Variants in DNAI3 observed in about 807,000 individuals in gnomAD.
DNAI3 encodes dynein axonemal intermediate chain 3, also known as WD repeat domain 63.
A neutral mutation model predicts 115.5 loss-of-function variants in DNAI3; 83 were observed. That is an observed-to-expected ratio of 0.72 (90% CI 0.60 to 0.86). DNAI3 has a LOEUF of 0.86. Ranked by LOEUF, DNAI3 falls within the 40% of genes least tolerant of loss-of-function variation. The pLI, the probability that DNAI3 is intolerant of heterozygous loss-of-function variation, is 0.00. For missense variants in DNAI3, 1,004 were observed against 1,075.8 expected (o/e 0.93, Z 0.93); for synonymous variants, 320 against 347.0 (o/e 0.92, Z 0.86).
rs1162431713 is a variant in DNAI3 at position 85,087,434 on chromosome 1, CAAAAAA to C, written c.740+1424_740+1429del. 5.8e-4 allele frequency among the ~76,000 whole-genome samples: 27 copies of C among 46,666 alleles called. No homozygotes were observed. The South Asian group carries it at 0.013, about 23-fold the overall frequency. 30.6% of individuals were successfully genotyped at this position (46,666 alleles called of 152,430 possible). The stretch of plus-strand genomic sequence containing the variant: ...CTGGTGATAGAGCTAGACTCCATCT[CAAAAAA>C]AAAAAAAAAAAAAAAAAAAGAAAGA... On this transcript the variant is annotated intron_variant, in intron 7 of 22. Coordinates refer to ENST00000294664, the MANE Select transcript of DNAI3 (RefSeq NM_145172.5).
chr1:85,108,154 C>G lies in DNAI3; in HGVS notation c.1675C>G (p.Leu559Val), dbSNP rs745854604. ...ACCATCTACTTTTTTGCATCTGGAT[C>G]TCTCCTGGAAACCTCTCACTAAGGT... ...DVPSTFLHLD[L>V]SWKPLTKVRL... Residue 559 changes from leucine (L) to valine (V), a missense_variant, in exon 15 of 23, where the codon CTC becomes GTC. Leu to Val is a conservative substitution (Grantham distance 32, BLOSUM62 1). Coordinates refer to ENST00000294664, the MANE Select transcript of DNAI3 (RefSeq NM_145172.5). 24 of 1,603,650 alleles carry G rather than the reference C, an allele frequency of 1.5e-5. No individual in the cohort carries two copies. The South Asian group carries it at 2.4e-4, about 16-fold the overall frequency.
At chr1:85,115,716 A>AGG (rs59966947) in intron 16 of DNAI3, among the ~76,000 whole-genome samples, 3 of 147,348 alleles carry the variant, frequency 2.0e-5, no homozygotes, top group African/African-American at 2.5e-5. Context: ...AGGTGGGGGC[A>AGG]GGGGGGCAGG....
intron 16 of DNAI3, among the ~76,000 whole-genome samples, chr1:85,115,498 A>ACTAT (rs1483855515): frequency 6.6e-6 from 1 of 152,228 alleles, no homozygotes; most frequent in Non-Finnish European, 1.5e-5. Flanking sequence ...TGTTATTATT[A>ACTAT]CTATCTCAAA....
At position 85,084,277 on chromosome 1, in the gene DNAI3, T is replaced by TATATATATATATATAC. The variant is rs59205168; in HGVS notation, c.391-268_391-267insTATATATATATATACA. Among the ~76,000 whole-genome samples the TATATATATATATATAC allele has an allele frequency of 5.7e-4, 73 of 128,472 alleles. No homozygotes were observed. In the East Asian group the frequency reaches 5.8e-3, roughly 10 times the overall value. 84.3% of individuals were successfully genotyped at this position (128,472 alleles called of 152,430 possible). On this transcript the variant is annotated intron_variant, in intron 5 of 22. Transcript: ENST00000294664. ...ATATATATATATATATATATATATA[T>TATATATATATATATAC]ACACATCCATATGTAGAGATGTGTA... is the stretch of plus-strand genomic sequence containing the variant.
chr1:85,132,414 T>G (rs1295292912), intron 22 of DNAI3, among the ~76,000 whole-genome samples: 2 of 152,190 alleles, frequency 1.3e-5, no homozygotes, highest in Non-Finnish European at 2.9e-5. Context: ...CTGCTCTAGT[T>G]GCATATGAAA....
rs368662854 is a variant in DNAI3, at chr1:85,132,852, C to T, written c.2533-3C>T. On this transcript the variant is annotated splice_polypyrimidine_tract_variant and splice_region_variant and intron_variant, in intron 22 of 22. Coordinates refer to ENST00000294664, the MANE Select transcript of DNAI3 (RefSeq NM_145172.5). ...GGATGTCTTGTTTTTCTTCCCCCCC[C>T]AGAAAACATATCAGAAGTCAAAAGA... 45 of 1,597,764 alleles carry T rather than the reference C, an allele frequency of 2.8e-5. No individual in the cohort carries two copies. The Admixed American group carries it at 6.6e-4, about 24-fold the overall frequency.
intron 3 of DNAI3, among the ~76,000 whole-genome samples, chr1:85,073,649 G>A (rs1055961227): frequency 1.9e-4 from 29 of 152,142 alleles, no homozygotes; most frequent in Non-Finnish European, 3.4e-4. Context: ...AGACAATGAG[G>A]GGGGCAAGGA....
chr1:85,081,679 G>C (rs1262777011), intron 4 of DNAI3, among the ~76,000 whole-genome samples: 3 of 151,986 alleles, frequency 2.0e-5, no homozygotes, highest in Non-Finnish European at 4.4e-5. Context: ...TTTGAGGCAG[G>C]GTTTCACTCC....
intron 3 of DNAI3, 69 bp downstream of exon 3, chr1:85,073,161 C>A: frequency 8.8e-7 from 1 of 1,138,982 alleles, no homozygotes; most frequent in Non-Finnish European, 1.2e-6. Context: ...AATAAGCAAG[C>A]AGGAATACTA....
At chr1:85,096,511 TTATATATAAAGATTATATATATA>T (rs1441439295) in intron 11 of DNAI3, among the ~76,000 whole-genome samples, 1 of 123,804 alleles carries the variant, frequency 8.1e-6, no homozygotes, top group Non-Finnish European at 1.7e-5. Flanking sequence ...TATATAAAGA[TTATATATAAAGATTATATATATA>T]TATATGTATC....
At chr1:85,089,471 C>A (rs1654903905) in intron 7 of DNAI3, among the ~76,000 whole-genome samples, 1 of 146,506 alleles carries the variant, frequency 6.8e-6, no homozygotes, top group African/African-American at 2.6e-5. Context: ...CCACTAAGAG[C>A]ATACTAGATG....
At chr1:85,121,654 A>G in intron 17 of DNAI3, 97 bp from the exon 18 acceptor site, 1 of 1,125,470 alleles carries the variant, frequency 8.9e-7, no homozygotes. Context: ...GTTGTTTTGC[A>G]TTTGTTTTGC....
At chr1:85,116,355 C>T (rs766414765) in intron 16 of DNAI3, among the ~76,000 whole-genome samples, 10 of 152,202 alleles carry the variant, frequency 6.6e-5, no homozygotes, top group Non-Finnish European at 1.3e-4. Context: ...TTACATTTAT[C>T]GCACCTTTGC....
In DNAI3 at chr1:85,124,196, A is replaced by G; in HGVS notation, c.2057A>G (p.Asp686Gly). 1 of 1,614,240 alleles carries G rather than the reference A, an allele frequency of 6.2e-7. No individual in the cohort carries two copies. Reference protein sequence around the residue: ...HTIQRSPFYNDIILTVGGWNV... With the variant: ...HTIQRSPFYNGIILTVGGWNV... ...ATTCAGAGATCACCTTTCTACAACG[A>G]CATTATTCTCACGGTTGGAGGTTGG... The change falls in exon 19 of 23, where the codon GAC becomes GGC. Residue 686 changes from aspartate to glycine, a missense_variant. By Grantham distance (94) the Asp-to-Gly change is moderately conservative. Transcript: ENST00000294664.
intron 14 of DNAI3, among the ~76,000 whole-genome samples, chr1:85,107,564 A>G (rs1033298759): frequency 6.6e-5 from 10 of 152,194 alleles, no homozygotes; most frequent in Non-Finnish European, 1.0e-4. Context: ...GTAGTTGTCT[A>G]GGGCTGGTGG....
At chr1:85,132,419 A>G (rs1656356045) in intron 22 of DNAI3, among the ~76,000 whole-genome samples, 1 of 152,210 alleles carries the variant, frequency 6.6e-6, no homozygotes, top group African/African-American at 2.4e-5. Flanking sequence ...CTAGTTGCAT[A>G]TGAAATGGGA....
At chr1:85,120,426 A>G (rs1655963281) in intron 17 of DNAI3, among the ~76,000 whole-genome samples, 1 of 152,216 alleles carries the variant, frequency 6.6e-6, no homozygotes, top group Admixed American at 6.5e-5. Flanking sequence ...GAGTTGGGTA[A>G]CAGAATTACA....
At position 85,085,814 on chromosome 1, in the gene DNAI3, G is replaced by A. The variant is rs775025680; in HGVS notation, c.541-17G>A. 1.2e-6 allele frequency: 2 copies of A among 1,610,432 alleles called. No homozygotes were observed. The highest frequency in any genetic ancestry group is 8.5e-7 in the Non-Finnish European group (1 of 1,177,532). On this transcript the variant is annotated splice_polypyrimidine_tract_variant and intron_variant, in intron 6 of 22. Coordinates refer to ENST00000294664, the MANE Select transcript of DNAI3 (RefSeq NM_145172.5). ...GGGACTTCATTATGTTACCTTTACT[G>A]TTTACATGTGTTACAGATTACATAT...
intron 13 of DNAI3, among the ~76,000 whole-genome samples, chr1:85,103,924 TAATAATA>T (rs1655405511): frequency 2.0e-5 from 3 of 146,488 alleles, no homozygotes; most frequent in Admixed American, 6.8e-5. Context: ...ATAATAATAA[TAATAATA>T]ATTTATGAAT....
Sources: allele counts gnomAD v4.1 joint callset (sites outside exome capture counted in the v4.1 genomes callset), GRCh38; gene constraint gnomAD v4.1.1; transcripts MANE v1.5; gene names NCBI Gene and HGNC (gene_info 2026-07-23, HGNC 2026-07-21).